MARCHF1: variants seen among roughly 807,000 people sequenced by gnomAD.
MARCHF1 encodes E3 ubiquitin-protein ligase MARCHF1.
A neutral mutation model predicts 54.2 loss-of-function variants in MARCHF1; 40 were observed. The ratio of observed to expected loss-of-function variants is 0.74; its 90% confidence interval spans 0.57 to 0.96. The LOEUF is 0.96. Ranked by LOEUF, MARCHF1 falls within the 40% of genes least tolerant of loss-of-function variation. The pLI is 0.00. For synonymous variants in MARCHF1, 236 were observed against 236.3 expected (o/e 1.00, Z 0.01); for missense variants, 586 against 656.5 (o/e 0.89, Z 1.17).
chr4:164,163,937 A>G (rs1447662965), intron 1 of MARCHF1, among the ~76,000 whole-genome samples: 1 of 151,980 alleles, frequency 6.6e-6, no homozygotes, highest in African/African-American at 2.4e-5. Flanking sequence ...ATGTCTAAAA[A>G]TCACAAACAT....
chr4:163,989,313 GAA>G (rs34065304), intron 2 of MARCHF1, among the ~76,000 whole-genome samples: 2 of 146,358 alleles, frequency 1.4e-5, no homozygotes, highest in African/African-American at 5.0e-5. Context: ...GAGAGAGAGA[GAA>G]AAGAAGAGAG....
At chr4:163,784,030 A>G (rs79879610) in intron 4 of MARCHF1, among the ~76,000 whole-genome samples, 4 of 152,238 alleles carry the variant, frequency 2.6e-5, no homozygotes, top group African/African-American at 9.6e-5. Flanking sequence ...ACAGTAGTTC[A>G]TGTTAAACCA....
intron 7 of MARCHF1, among the ~76,000 whole-genome samples, chr4:163,593,546 T>C (rs892873245): frequency 6.6e-6 from 1 of 152,212 alleles, no homozygotes; most frequent in Non-Finnish European, 1.5e-5. Flanking sequence ...TGGCAGAAAT[T>C]CTTAATTCAA....
chr4:163,629,319 T>A (rs959449650), intron 5 of MARCHF1, among the ~76,000 whole-genome samples: 1 of 152,222 alleles, frequency 6.6e-6, no homozygotes, highest in African/African-American at 2.4e-5. Context: ...GGGGTCCCTA[T>A]GTAATAAATG....
At chr4:163,538,043 G>A (rs185150212) in intron 9 of MARCHF1, among the ~76,000 whole-genome samples, 4 of 152,294 alleles carry the variant, frequency 2.6e-5, no homozygotes, top group Admixed American at 1.3e-4. Flanking sequence ...TCACAAATTA[G>A]ACCTAAAGGA....
intron 1 of MARCHF1, among the ~76,000 whole-genome samples, chr4:164,352,182 ACT>A (rs1424113682): frequency 1.6e-5 from 2 of 123,814 alleles, no homozygotes; most frequent in East Asian, 4.6e-4. Context: ...GTTGGAAAAC[ACT>A]CTGCAGGATA....
chr4:164,158,252 G>A (rs370734925), intron 1 of MARCHF1, among the ~76,000 whole-genome samples: 2 of 152,256 alleles, frequency 1.3e-5, no homozygotes, highest in East Asian at 3.9e-4. Context: ...AGAACTATAA[G>A]TACAATTTTC....
intron 2 of MARCHF1, among the ~76,000 whole-genome samples, chr4:164,079,695 A>G (rs1414655420): frequency 6.6e-6 from 1 of 152,002 alleles, no homozygotes; most frequent in Admixed American, 6.6e-5. Context: ...GTAATCCTTT[A>G]TTTTTGGTCC....
chr4:164,013,686 G>A (rs1416515656), intron 2 of MARCHF1, among the ~76,000 whole-genome samples: 1 of 152,192 alleles, frequency 6.6e-6, no homozygotes, highest in Non-Finnish European at 1.5e-5. Flanking sequence ...GTTTCTAGCA[G>A]CAGCAACTGT....
At position 163,689,001 on chromosome 4, in the gene MARCHF1, A is replaced by G. The variant is rs150985310; in HGVS notation, c.162+11812T>C. Among the ~76,000 whole-genome samples the G allele has an allele frequency of 5.6e-4, 86 of 152,294 alleles. 3 individuals carry two copies. The East Asian group carries it at 0.012, about 22-fold the overall frequency. ...ATAATATGACAGATGGTCAGTGGCAAGGAATGAGTTCCATCCCTAGCACCA... is the reference window on the plus strand; with the variant it reads ...ATAATATGACAGATGGTCAGTGGCAGGGAATGAGTTCCATCCCTAGCACCA... On this transcript the variant is annotated intron_variant, in intron 5 of 9. Coordinates refer to ENST00000514618, the MANE Select transcript of MARCHF1 (RefSeq NM_001394959.1).
chr4:163,629,126 T>C (rs1367224895), intron 5 of MARCHF1, among the ~76,000 whole-genome samples: 4 of 152,160 alleles, frequency 2.6e-5, no homozygotes, highest in African/African-American at 9.7e-5. Context: ...AGAACAAAGC[T>C]GGAGGCATCA....
At chr4:164,307,593 A>G (rs1183320414) in intron 1 of MARCHF1, among the ~76,000 whole-genome samples, 3 of 152,202 alleles carry the variant, frequency 2.0e-5, no homozygotes, top group Admixed American at 2.0e-4. Flanking sequence ...ATGCCATTTC[A>G]TTTTTGCCAT....
At chr4:163,961,582 G>T (rs1752347450) in intron 3 of MARCHF1, among the ~76,000 whole-genome samples, 1 of 151,766 alleles carries the variant, frequency 6.6e-6, no homozygotes, top group African/African-American at 2.4e-5. Context: ...CGAGTCTCTT[G>T]TCCTATCTCG....
chr4:163,728,991 T>C (rs1351214270), intron 4 of MARCHF1, among the ~76,000 whole-genome samples: 2 of 152,190 alleles, frequency 1.3e-5, no homozygotes, highest in African/African-American at 4.8e-5. Context: ...TGAATGGCTA[T>C]TAGATTTTGT....
chr4:164,030,968 G>A (rs1241248209), intron 2 of MARCHF1, among the ~76,000 whole-genome samples: 1 of 152,036 alleles, frequency 6.6e-6, no homozygotes, highest in Non-Finnish European at 1.5e-5. Flanking sequence ...CTTAAGGAGT[G>A]GGCTGAGACA....
In MARCHF1 at chr4:164,196,930, ACAGT is replaced by A; in HGVS notation, c.-322-85272_-322-85269del. The A allele has an allele frequency of 7.0e-6, 11 of 1,572,926 alleles. No individual in the cohort carries two copies. The South Asian group carries it at 1.2e-4, about 17-fold the overall frequency. ...GAGGGGGGAGGGGATATGGGTAAAA[ACAGT>A]CAAATCACAATAGGAATTTTTCAAA... On this transcript the variant is annotated intron_variant, in intron 1 of 9. Transcript: ENST00000514618.
At chr4:163,852,340 T>G (rs539801639) in intron 4 of MARCHF1, among the ~76,000 whole-genome samples, 1 of 152,194 alleles carries the variant, frequency 6.6e-6, no homozygotes, top group African/African-American at 2.4e-5. Context: ...ACAGTTTTTA[T>G]GGTTTTTGAT....
chr4:163,573,256 T>G (rs370751382), intron 8 of MARCHF1, among the ~76,000 whole-genome samples: 8 of 151,560 alleles, frequency 5.3e-5, no homozygotes, highest in East Asian at 1.9e-4. Context: ...CAAAGAGAGA[T>G]AGTTTGACTT....
intron 2 of MARCHF1, among the ~76,000 whole-genome samples, chr4:163,991,666 G>GCATCTACATATGTGATCACAT (rs1429272562): frequency 3.9e-5 from 6 of 152,136 alleles, no homozygotes; most frequent in Non-Finnish European, 8.8e-5. Context: ...CAGCTCAGCT[G>GCATCTACATATGTGATCACAT]CATCTACATA....
Sources: gnomAD v4.1 joint callset for allele counts (sites outside exome capture counted in the v4.1 genomes callset) on GRCh38, gnomAD v4.1.1 for gene constraint, MANE v1.5 for transcripts, NCBI Gene and HGNC (gene_info 2026-07-23, HGNC 2026-07-21) for gene names.